KDM4C: variants seen among roughly 807,000 people sequenced by gnomAD.
KDM4C encodes lysine-specific demethylase 4C.
KDM4C carries 81 observed loss-of-function variants against 129.3 expected under a neutral mutation model. The observed-to-expected ratio is 0.63, with a 90% confidence interval of 0.52 to 0.75. The LOEUF (loss-of-function observed/expected upper bound fraction) is 0.75. Ranked by LOEUF, KDM4C falls within the 30% of genes least tolerant of loss-of-function variation. The pLI, the probability that KDM4C is intolerant of heterozygous loss-of-function variation, is 0.00. For synonymous variants in KDM4C, 573 were observed against 456.1 expected (o/e 1.26, Z -3.26); for missense variants, 1,457 against 1,304.0 (o/e 1.12, Z -1.81).
At chr9:7,146,863 G>A (rs1273807942) in intron 19 of KDM4C, among the ~76,000 whole-genome samples, 1 of 152,192 alleles carries the variant, frequency 6.6e-6, no homozygotes, top group Non-Finnish European at 1.5e-5. Flanking sequence ...GTAGTTCTGT[G>A]TTCTGTTGTA....
At position 7,011,914 on chromosome 9, in the gene KDM4C, C is replaced by G. The variant is rs372734680; in HGVS notation, c.1968+35C>G. 3.0e-5 allele frequency: 46 copies of G among 1,553,622 alleles called. No individual in the cohort carries two copies. The African/African-American group carries it at 5.8e-4, about 20-fold the overall frequency. On this transcript the variant is annotated intron_variant, in intron 13 of 21. Transcript: ENST00000381309. ...CCTGCTATCATAGTTCCCTTCACTGCTCTGCCTTCCATGTGACCACATACC... is the reference window on the plus strand; with the variant it reads ...CCTGCTATCATAGTTCCCTTCACTGGTCTGCCTTCCATGTGACCACATACC...
intron 3 of KDM4C, among the ~76,000 whole-genome samples, chr9:6,813,974 G>A (rs1831622738): frequency 1.3e-5 from 2 of 152,068 alleles, no homozygotes; most frequent in African/African-American, 4.8e-5. Flanking sequence ...TAATGCTGCA[G>A]CAAACATCCT....
intron 17 of KDM4C, among the ~76,000 whole-genome samples, chr9:7,062,038 G>C (rs996862427): frequency 1.3e-5 from 2 of 152,100 alleles, no homozygotes; most frequent in African/African-American, 4.8e-5. Flanking sequence ...TGCGATCTTG[G>C]CTCACTGCAA....
chr9:6,881,256 C>G (rs1324467569), intron 6 of KDM4C, among the ~76,000 whole-genome samples: 1 of 152,134 alleles, frequency 6.6e-6, no homozygotes, highest in Admixed American at 6.5e-5. Flanking sequence ...TATAGTATTA[C>G]ATTTTAAGAA....
chr9:7,126,401 A>T (rs1339806837), intron 18 of KDM4C, among the ~76,000 whole-genome samples: 1 of 152,194 alleles, frequency 6.6e-6, no homozygotes, highest in Non-Finnish European at 1.5e-5. Context: ...GCTCTTCTAC[A>T]GGTCTTAAAA....
chr9:7,036,080 C>T (rs948146966), intron 15 of KDM4C, among the ~76,000 whole-genome samples: 1 of 152,100 alleles, frequency 6.6e-6, no homozygotes, highest in Non-Finnish European at 1.5e-5. Flanking sequence ...TTGGGTAATA[C>T]TGTCATTGTA....
At chr9:6,762,040 C>T (rs1390674046) in intron 1 of KDM4C, among the ~76,000 whole-genome samples, 1 of 151,956 alleles carries the variant, frequency 6.6e-6, no homozygotes, top group East Asian at 1.9e-4. Context: ...CCTCGTGATC[C>T]GCCTGCCTCG....
At chr9:6,958,084 C>CTTT (rs34489986) in intron 8 of KDM4C, among the ~76,000 whole-genome samples, 6,315 of 144,106 alleles carry the variant, frequency 0.044, 468 homozygotes, top group African/African-American at 0.15. Flanking sequence ...AGCAAAGTAG[C>CTTT]TTTTTTTTTT....
At chr9:6,923,153 C>T (rs1307959185) in intron 8 of KDM4C, among the ~76,000 whole-genome samples, 1 of 152,068 alleles carries the variant, frequency 6.6e-6, no homozygotes, top group African/African-American at 2.4e-5. Context: ...GCCTCCTCCC[C>T]ACTTCACCTG....
At chr9:6,807,097 C>T (rs1174318536) in intron 3 of KDM4C, among the ~76,000 whole-genome samples, 1 of 151,926 alleles carries the variant, frequency 6.6e-6, no homozygotes, top group Non-Finnish European at 1.5e-5. Flanking sequence ...GCTGTGTTGG[C>T]CGGGCCGGTC....
chr9:6,734,804 C>T, intron 1 of KDM4C: 2 of 425,812 alleles, frequency 4.7e-6, no homozygotes, highest in South Asian at 3.8e-5. Flanking sequence ...TGGTAGATTC[C>T]TGTTCCATTG....
At chr9:6,835,106 T>C in intron 4 of KDM4C, 1 of 1,007,718 alleles carries the variant, frequency 9.9e-7, no homozygotes, top group South Asian at 1.3e-5. Flanking sequence ...CTGTGCTATG[T>C]TGCTCTGGCC....
chr9:6,728,259 G>C (rs1010245214), intron 1 of KDM4C, among the ~76,000 whole-genome samples: 2 of 152,168 alleles, frequency 1.3e-5, no homozygotes, highest in Non-Finnish European at 1.5e-5. Context: ...TTCTTGGCCG[G>C]ATGTGGTGGC....
chr9:6,805,288 C>T (rs988611427), intron 2 of KDM4C, among the ~76,000 whole-genome samples: 15 of 152,178 alleles, frequency 9.9e-5, no homozygotes, highest in African/African-American at 3.4e-4. Context: ...TAGTCTTTAG[C>T]CATTTTAACT....
chr9:6,993,997 T>G (rs1819235523), intron 12 of KDM4C, among the ~76,000 whole-genome samples: 1 of 152,188 alleles, frequency 6.6e-6, no homozygotes, highest in African/African-American at 2.4e-5. Context: ...GGCACTGGTT[T>G]TGTAGAAGAC....
At chr9:7,106,913 C>T (rs1755089476) in intron 18 of KDM4C, among the ~76,000 whole-genome samples, 1 of 151,410 alleles carries the variant, frequency 6.6e-6, no homozygotes, top group South Asian at 2.1e-4. Flanking sequence ...AAGCAGTAAG[C>T]AGAGTTTATA....
At chr9:6,987,173 G>C (rs1466856815) in intron 11 of KDM4C, among the ~76,000 whole-genome samples, 1 of 152,114 alleles carries the variant, frequency 6.6e-6, no homozygotes, top group Non-Finnish European at 1.5e-5. Flanking sequence ...CCTTCCCACA[G>C]CTTCTATTTC....
At chr9:7,109,099 C>G (rs1166884581) in intron 18 of KDM4C, among the ~76,000 whole-genome samples, 1 of 152,102 alleles carries the variant, frequency 6.6e-6, no homozygotes, top group African/African-American at 2.4e-5. Flanking sequence ...GTGAATGCAG[C>G]CTATCATAAC....
At chr9:6,770,258 A>G (rs562988845) in intron 1 of KDM4C, among the ~76,000 whole-genome samples, 14 of 152,210 alleles carry the variant, frequency 9.2e-5, no homozygotes, top group African/African-American at 3.4e-4. Context: ...TCAAGGAAAA[A>G]TGTTGGGTAA....
Sources: allele counts gnomAD v4.1 joint callset (sites outside exome capture counted in the v4.1 genomes callset), GRCh38; gene constraint gnomAD v4.1.1; transcripts MANE v1.5; gene names NCBI Gene and HGNC (gene_info 2026-07-23, HGNC 2026-07-21).